The following LRRC4C variants were observed in gnomAD, a reference collection of about 807,000 sequenced individuals.
The protein encoded by LRRC4C is leucine rich repeat containing 4C.
A neutral mutation model predicts 33.6 loss-of-function variants in LRRC4C; 5 were observed. The ratio of observed to expected loss-of-function variants is 0.15; its 90% CI spans 0.08 to 0.31. The LOEUF (loss-of-function observed/expected upper bound fraction) is 0.31. Ranked by LOEUF, LRRC4C falls within the 10% of genes least tolerant of loss-of-function variation. LRRC4C has a pLI of 1.00. For missense variants in LRRC4C, 560 were observed against 796.7 expected, an observed-to-expected ratio of 0.70 and a Z score of 3.58; for synonymous variants, 329 against 302.0, an observed-to-expected ratio of 1.09 and a Z score of -0.93.
chr11:40,215,082 T>C (rs1190531931), intron 5 of LRRC4C, among the ~76,000 whole-genome samples: 1 of 152,190 alleles, frequency 6.6e-6, no homozygotes, highest in Non-Finnish European at 1.5e-5. Context: ...ATTGTTACCC[T>C]CCAGCAGTAC....
intron 3 of LRRC4C, among the ~76,000 whole-genome samples, chr11:40,325,748 A>G (rs1032743247): frequency 5.3e-5 from 8 of 152,228 alleles, no homozygotes; most frequent in Non-Finnish European, 1.2e-4. Flanking sequence ...TAATGATCAT[A>G]GCAAATATCA....
intron 3 of LRRC4C, among the ~76,000 whole-genome samples, chr11:40,511,225 A>G (rs1235586089): frequency 2.0e-5 from 3 of 152,218 alleles, no homozygotes; most frequent in Non-Finnish European, 4.4e-5. Flanking sequence ...AAATTATATG[A>G]GCTCATACTG....
intron 4 of LRRC4C, among the ~76,000 whole-genome samples, chr11:40,259,888 A>G (rs1590844722): frequency 6.6e-6 from 1 of 151,516 alleles, no homozygotes; most frequent in East Asian, 1.9e-4. Context: ...GTCGATCATT[A>G]AAAAGTCAGG....
intron 1 of LRRC4C, among the ~76,000 whole-genome samples, chr11:41,030,166 C>T (rs1339999606): frequency 6.6e-6 from 1 of 151,884 alleles, no homozygotes; most frequent in Non-Finnish European, 1.5e-5. Flanking sequence ...CAATAAGTAA[C>T]TGCTAGCTTG....
chr11:41,426,297 C>T (rs139316443), intron 1 of LRRC4C: 1 of 152,310 alleles, frequency 6.6e-6, no homozygotes, highest in East Asian at 1.9e-4. Flanking sequence ...TCCCTTGGGA[C>T]TTCTCAGGCT....
chr11:41,240,327 G>A (rs1481007351), intron 1 of LRRC4C, among the ~76,000 whole-genome samples: 1 of 152,076 alleles, frequency 6.6e-6, no homozygotes, highest in South Asian at 2.1e-4. Flanking sequence ...AGAAATCAGA[G>A]AAATTGCAAA....
At chr11:40,262,891 T>A (rs1234580334) in intron 4 of LRRC4C, among the ~76,000 whole-genome samples, 1 of 151,852 alleles carries the variant, frequency 6.6e-6, no homozygotes, top group Non-Finnish European at 1.5e-5. Flanking sequence ...GGTGGCGGGT[T>A]GATGGGTGCA....
At chr11:40,329,731 CTTTT>C (rs1946265541) in intron 3 of LRRC4C, among the ~76,000 whole-genome samples, 1 of 17,108 alleles carries the variant, frequency 5.8e-5, no homozygotes, top group Admixed American at 1.3e-3. Context: ...TTCTTACTTT[CTTTT>C]TCTTTTTTTT....
intron 5 of LRRC4C, among the ~76,000 whole-genome samples, chr11:40,190,343 C>T (rs962432900): frequency 6.6e-6 from 1 of 152,066 alleles, no homozygotes; most frequent in Admixed American, 6.6e-5. Context: ...TCTTAGGGTG[C>T]CAATGTTGGA....
At chr11:40,888,709 A>C (rs1592000763) in intron 2 of LRRC4C, among the ~76,000 whole-genome samples, 1 of 152,034 alleles carries the variant, frequency 6.6e-6, no homozygotes, top group Non-Finnish European at 1.5e-5. Flanking sequence ...ACCAAATTTC[A>C]AACTTTTAGA....
intron 3 of LRRC4C, among the ~76,000 whole-genome samples, chr11:40,521,220 C>T (rs1282465782): frequency 6.6e-6 from 1 of 152,088 alleles, no homozygotes; most frequent in African/African-American, 2.4e-5. Flanking sequence ...GAAAAATTGA[C>T]AAAATATCTG....
chr11:40,971,082 T>C (rs945899539), intron 1 of LRRC4C, among the ~76,000 whole-genome samples: 2 of 152,148 alleles, frequency 1.3e-5, no homozygotes, highest in South Asian at 2.1e-4. Context: ...GGCCATGCAG[T>C]AGAAAAGAAA....
At chr11:40,821,452 T>A (rs1951922612) in intron 2 of LRRC4C, among the ~76,000 whole-genome samples, 1 of 151,606 alleles carries the variant, frequency 6.6e-6, no homozygotes, top group South Asian at 2.1e-4. Context: ...TGAATAAAAA[T>A]AAATTATTAT....
chr11:40,514,879 C>T (rs560564871), intron 3 of LRRC4C, among the ~76,000 whole-genome samples: 1 of 152,190 alleles, frequency 6.6e-6, no homozygotes, highest in East Asian at 1.9e-4. Context: ...AATTATCAAA[C>T]CAATTTAATT....
chr11:40,889,417 C>T (rs1023908384), intron 2 of LRRC4C, among the ~76,000 whole-genome samples: 6 of 151,954 alleles, frequency 3.9e-5, no homozygotes, highest in South Asian at 2.1e-4. Flanking sequence ...ACAATTGCTT[C>T]CATTGTGGGG....
chr11:40,839,839 TTCTTTAATTCCATAA>T (rs1952836190), intron 2 of LRRC4C, among the ~76,000 whole-genome samples: 1 of 152,190 alleles, frequency 6.6e-6, no homozygotes, highest in African/African-American at 2.4e-5. Context: ...ATGACATATA[TTCTTTAATTCCATAA>T]AAAATAATTT....
chr11:40,958,035 G>C lies in LRRC4C; in HGVS notation c.-495-24312C>G, dbSNP rs183189289. Reference sequence around the variant, plus strand: ...TTGGGATTTGTGCCTTTATAAAAGGGATCCCAGCTAGCTCATCCCTTCTAC... The same window carrying C: ...TTGGGATTTGTGCCTTTATAAAAGGCATCCCAGCTAGCTCATCCCTTCTAC... On this transcript the variant is annotated intron_variant, in intron 1 of 6. Transcript: ENST00000528697. Among the ~76,000 whole-genome samples the C allele has an allele frequency of 2.4e-4, 37 of 151,746 alleles. 1 individual carries two copies. The highest frequency in any genetic ancestry group is 2.0e-3 in the Admixed American group (30 of 15,202).
intron 2 of LRRC4C, among the ~76,000 whole-genome samples, chr11:40,755,894 T>A (rs1463165252): frequency 6.6e-6 from 1 of 152,108 alleles, no homozygotes; most frequent in African/African-American, 2.4e-5. Context: ...TCTGTTTTAG[T>A]CTGAACCCCC....
intron 3 of LRRC4C, among the ~76,000 whole-genome samples, chr11:40,631,612 T>G (rs1963484634): frequency 6.6e-6 from 1 of 152,190 alleles, no homozygotes; most frequent in Non-Finnish European, 1.5e-5. Flanking sequence ...TCATTTCTTT[T>G]CACTCTATCC....
Sources: gnomAD v4.1 joint callset for allele counts (sites outside exome capture counted in the v4.1 genomes callset) on GRCh38, gnomAD v4.1.1 for gene constraint, MANE v1.5 for transcripts, NCBI Gene and HGNC (gene_info 2026-07-23, HGNC 2026-07-21) for gene names.